Variants in MAN2A1 observed in about 807,000 individuals in gnomAD.
The protein encoded by MAN2A1 is mannosidase alpha class 2A member 1.
Under a neutral mutation model 142.6 loss-of-function variants are expected in MAN2A1, and 76 were observed. The ratio of observed to expected loss-of-function variants is 0.53; its 90% confidence interval spans 0.44 to 0.65. The LOEUF (loss-of-function observed/expected upper bound fraction) is 0.65, where lower values mean the gene tolerates loss of function less well. MAN2A1 is among the 30% of genes least tolerant of loss of function. The pLI, the probability that MAN2A1 is intolerant of heterozygous loss-of-function variation, is 0.00. For synonymous variants in MAN2A1, 559 were observed against 473.2 expected, an observed-to-expected ratio of 1.18 and a Z score of -2.35; for missense variants, 1,311 against 1,365.1, an observed-to-expected ratio of 0.96 and a Z score of 0.62.
chr5:109,690,607 T>G, intron 1 of MAN2A1, 55 bp downstream of exon 1: 1 of 1,538,290 alleles, frequency 6.5e-7, no homozygotes, highest in Admixed American at 2.0e-5. Context: ...TGCGGGCCCC[T>G]GGTTAGCGGC....
chr5:109,804,300 A>G, intron 12 of MAN2A1: 1 of 985,892 alleles, frequency 1.0e-6, no homozygotes, highest in Non-Finnish European at 1.2e-6. Flanking sequence ...TTTTAAATAG[A>G]GCCTTTGGAC....
chr5:109,758,399 T>A (rs1752747338), intron 5 of MAN2A1, among the ~76,000 whole-genome samples: 1 of 151,388 alleles, frequency 6.6e-6, no homozygotes, highest in Non-Finnish European at 1.5e-5. Context: ...TGACTTAGAA[T>A]TTTTTTTATA....
chr5:109,763,483 C>G (rs1052958861), intron 5 of MAN2A1, among the ~76,000 whole-genome samples: 1 of 145,698 alleles, frequency 6.9e-6, no homozygotes, highest in Non-Finnish European at 1.5e-5. Flanking sequence ...GTTTTGTTTT[C>G]TTTTTTTTTT....
Position 109,767,518 on chromosome 5 carries a change from A to G in MAN2A1, c.836-17A>G. 2 of 1,599,370 alleles carry G rather than the reference A, an allele frequency of 1.3e-6. No homozygotes were observed. Among genetic ancestry groups the G allele is most frequent in the Non-Finnish European group, 8.5e-7 (1 of 1,174,886 alleles). On this transcript the variant is annotated splice_polypyrimidine_tract_variant and intron_variant, in intron 5 of 21. Coordinates refer to ENST00000261483, the MANE Select transcript of MAN2A1 (RefSeq NM_002372.4). ...ATATCAATTAAAAAAATTAACACTTATCATCTTTATCCACAGGAGTGAAAC... is the reference window on the plus strand; with the variant it reads ...ATATCAATTAAAAAAATTAACACTTGTCATCTTTATCCACAGGAGTGAAAC...
rs549262543 is a variant in MAN2A1, at chr5:109,865,446, T to G, written c.3282+300T>G. Reference sequence around the variant, plus strand: ...GTGCCTTGCTCCCAGTCCCCCAGTTTTCTCCTCCCCTGAACCACACATGCT... The same window carrying G: ...GTGCCTTGCTCCCAGTCCCCCAGTTGTCTCCTCCCCTGAACCACACATGCT... On this transcript the variant is annotated intron_variant, in intron 21 of 21. Coordinates refer to ENST00000261483, the MANE Select transcript of MAN2A1 (RefSeq NM_002372.4). The G allele has an allele frequency of 2.2e-4, 78 of 351,016 alleles. 1 individual carries two copies. Among genetic ancestry groups the G allele is most frequent in the South Asian group, 2.2e-3 (78 of 36,244 alleles). The allele number at this position is 351,016 out of a possible 1,614,324, so 21.7% of individuals were successfully genotyped here. A position where few individuals can be genotyped will look rare whatever the true frequency, so the allele number is the denominator to read the frequency against.
At chr5:109,819,937 A>G in intron 14 of MAN2A1, 50 bp downstream of exon 14, 2 of 1,301,672 alleles carry the variant, frequency 1.5e-6, no homozygotes, top group Middle Eastern at 2.0e-4. Context: ...CATTTTTGCT[A>G]CAATGTGTGT....
chr5:109,698,486 G>A (rs1750877179), intron 1 of MAN2A1, among the ~76,000 whole-genome samples: 1 of 152,026 alleles, frequency 6.6e-6, no homozygotes, highest in African/African-American at 2.4e-5. Flanking sequence ...ACAAAATGGG[G>A]GTAATGCGTC....
At chr5:109,752,696 A>G (rs1042140286) in intron 4 of MAN2A1, among the ~76,000 whole-genome samples, 1 of 152,228 alleles carries the variant, frequency 6.6e-6, no homozygotes, top group Non-Finnish European at 1.5e-5. Context: ...TGGGAAAGAT[A>G]GGGTAGAAGA....
intron 4 of MAN2A1, among the ~76,000 whole-genome samples, chr5:109,738,570 C>G (rs1278182265): frequency 6.6e-6 from 1 of 152,060 alleles, no homozygotes; most frequent in Non-Finnish European, 1.5e-5. Flanking sequence ...TCTGCCAAGT[C>G]CCATCTACTG....
intron 4 of MAN2A1, among the ~76,000 whole-genome samples, chr5:109,731,600 G>A (rs1751914040): frequency 6.9e-6 from 1 of 145,638 alleles, no homozygotes; most frequent in Non-Finnish European, 1.5e-5. Flanking sequence ...CTATGAGTGA[G>A]AACATGTGGT....
intron 14 of MAN2A1, 64 bp from the exon 15 acceptor site, chr5:109,820,156 C>G: frequency 1.5e-6 from 2 of 1,375,150 alleles, no homozygotes; most frequent in Non-Finnish European, 2.0e-6. Context: ...ATACATAGAA[C>G]CAGATGCAAC....
intron 18 of MAN2A1, among the ~76,000 whole-genome samples, chr5:109,847,375 A>T (rs1755368953): frequency 6.6e-6 from 1 of 152,192 alleles, no homozygotes; most frequent in Non-Finnish European, 1.5e-5. Context: ...AGTTTCATTT[A>T]AATTTTGATC....
intron 12 of MAN2A1, among the ~76,000 whole-genome samples, chr5:109,806,457 T>A (rs1754169081): frequency 6.6e-6 from 1 of 152,202 alleles, no homozygotes; most frequent in South Asian, 2.1e-4. Flanking sequence ...TCTGAAAAAC[T>A]CTGCTACGAG....
At position 109,795,551 on chromosome 5, in the gene MAN2A1, A is replaced by C. The variant is rs77280744; in HGVS notation, c.1943+6024A>C. 3.9e-5 allele frequency among the ~76,000 whole-genome samples: 6 copies of C among 152,282 alleles called. No homozygotes were observed. In the East Asian group the frequency reaches 1.2e-3, roughly 29 times the overall value. ...GCTTGACAGTCAGTGTATTATCACA[A>C]TCTAAGATGTCCACAAACTACAAAG... On this transcript the variant is annotated intron_variant, in intron 12 of 21. Coordinates refer to ENST00000261483, the MANE Select transcript of MAN2A1 (RefSeq NM_002372.4).
At chr5:109,807,798 C>G (rs1754207880) in intron 12 of MAN2A1, among the ~76,000 whole-genome samples, 1 of 152,152 alleles carries the variant, frequency 6.6e-6, no homozygotes, top group Non-Finnish European at 1.5e-5. Context: ...ATTATGCTCC[C>G]TATCATACCT....
rs921337748 is a variant in MAN2A1, at chr5:109,832,002, G to A, written c.2566+8165G>A. ...TTAATGAAAACATTTTTCTCAGTGG[G>A]TTGTACCTTTTTAATTCCTAATGGA... On this transcript the variant is annotated intron_variant, in intron 16 of 21. Transcript: ENST00000261483. 2.0e-5 allele frequency among the ~76,000 whole-genome samples: 3 copies of A among 151,240 alleles called. No individual in the cohort carries two copies. In the East Asian group the frequency reaches 5.8e-4, roughly 29 times the overall value.
At position 109,789,041 on chromosome 5, in the gene MAN2A1, T is replaced by C. The variant is rs1172617329; in HGVS notation, c.1868T>C (p.Leu623Pro). The C allele has an allele frequency of 1.5e-5, 23 of 1,508,852 alleles. No homozygotes were observed. Among genetic ancestry groups the C allele is most frequent in the Non-Finnish European group, 2.1e-5 (23 of 1,093,292 alleles). The allele number at this position is 1,508,852 out of a possible 1,614,324, so 93.5% of individuals were successfully genotyped here. Residue 623 changes from leucine (L) to proline (P), a missense_variant, in exon 11 of 22, where the codon CTG becomes CCG. Transcript: ENST00000261483. ...GACTCTTACTCTCCTGATACCTTCCTGGAGATGGTTAGTAATTTCATCTAT... is the reference window on the plus strand; with the variant it reads ...GACTCTTACTCTCCTGATACCTTCCCGGAGATGGTTAGTAATTTCATCTAT... The part of the protein sequence containing the change: ...TYDSYSPDTF[L>P]EMDLKQKSQD...
At position 109,865,125 on chromosome 5, in the gene MAN2A1, T is replaced by G. The variant is rs760831678; in HGVS notation, c.3261T>G (p.Phe1087Leu). 2 of 1,613,806 alleles carry G rather than the reference T, an allele frequency of 1.2e-6. No homozygotes were observed. The highest frequency in any genetic ancestry group is 1.7e-6 in the Non-Finnish European group (2 of 1,179,722). ...CRFSSKGTGL[F>L]CSTTQGKILV... Reference sequence around the variant, plus strand: ...TCTCTAGCAAAGGCACAGGGCTGTTTTGTTCTACTACTCAGGGAAAGGTAA... The same window carrying G: ...TCTCTAGCAAAGGCACAGGGCTGTTGTGTTCTACTACTCAGGGAAAGGTAA... The change falls in exon 21 of 22, where the codon TTT (phenylalanine) becomes TTG (leucine). Residue 1087 changes from phenylalanine to leucine, a missense_variant. Phe to Leu is a conservative substitution (Grantham distance 22). Coordinates refer to ENST00000261483, the MANE Select transcript of MAN2A1 (RefSeq NM_002372.4).
intron 20 of MAN2A1, chr5:109,862,254 T>G (rs1755776648): frequency 2.0e-5 from 3 of 152,222 alleles, no homozygotes; most frequent in Admixed American, 6.5e-5. Flanking sequence ...AAGCCCAGCT[T>G]TATCTGATGG....
Sources: allele counts gnomAD v4.1 joint callset (sites outside exome capture counted in the v4.1 genomes callset), GRCh38; gene constraint gnomAD v4.1.1; transcripts MANE v1.5; gene names NCBI Gene and HGNC (gene_info 2026-07-23, HGNC 2026-07-21).